Variants in C6orf118 observed in about 807,000 individuals in gnomAD.
The protein encoded by C6orf118 is uncharacterized protein C6orf118.
C6orf118 carries 50 observed loss-of-function variants against 50.2 expected under a neutral mutation model. The observed-to-expected ratio is 1.00, with a 90% CI of 0.79 to 1.26. C6orf118 has a LOEUF of 1.26. Ranked by LOEUF, C6orf118 falls within the 50% of genes most tolerant of loss-of-function variation. The probability of loss-of-function intolerance (pLI) is 0.00; values close to 1 mark genes in which losing one functional copy is unlikely to be tolerated. For synonymous variants in C6orf118, 239 were observed against 230.9 expected (o/e 1.03, Z -0.32); for missense variants, 641 against 578.7 (o/e 1.11, Z -1.10).
intron 7 of C6orf118, among the ~76,000 whole-genome samples, chr6:165,288,952 A>G (rs1712884662): frequency 6.6e-6 from 1 of 152,100 alleles, no homozygotes; most frequent in Admixed American, 6.5e-5. Context: ...GAAAAAAATA[A>G]AATAAAATAA....
intron 4 of C6orf118, 62 bp from the exon 5 acceptor site, chr6:165,298,163 T>C: frequency 6.7e-7 from 1 of 1,500,088 alleles, no homozygotes; most frequent in Non-Finnish European, 8.8e-7. Context: ...GGACTCCCTT[T>C]CTTATTTGTC....
At chr6:165,288,168 G>A (rs1397828783) in intron 7 of C6orf118, among the ~76,000 whole-genome samples, 3 of 151,994 alleles carry the variant, frequency 2.0e-5, no homozygotes, top group Non-Finnish European at 4.4e-5. Flanking sequence ...TGGCCAACAA[G>A]CATATGAAAG....
intron 1 of C6orf118, among the ~76,000 whole-genome samples, chr6:165,307,963 T>C (rs1166660533): frequency 6.6e-6 from 1 of 152,184 alleles, no homozygotes; most frequent in African/African-American, 2.4e-5. Context: ...ATCTGGCCTT[T>C]CCTGAACCCA....
intron 7 of C6orf118, among the ~76,000 whole-genome samples, chr6:165,283,982 T>A (rs1056652080): frequency 1.3e-5 from 2 of 152,200 alleles, no homozygotes. Context: ...CTGAGATGGA[T>A]GAACTGACAG....
rs760075300 is a variant in C6orf118, at chr6:165,293,484, G to T, written c.1062-13C>A. The T allele has an allele frequency of 1.2e-6, 2 of 1,607,804 alleles. No homozygotes were observed. The highest frequency in any genetic ancestry group is 1.7e-6 in the Non-Finnish European group (2 of 1,175,412). On this transcript the variant is annotated splice_polypyrimidine_tract_variant and intron_variant, in intron 5 of 8. Coordinates refer to ENST00000230301, the MANE Select transcript of C6orf118 (RefSeq NM_144980.4). The stretch of plus-strand genomic sequence containing the variant: ...TTCACTTCTGAGTCTACAATGTGAG[G>T]ATAAACAATAGGGAAATATTAGATC...
chr6:165,309,521 C>T, intron 1 of C6orf118, 41 bp downstream of exon 1: 1 of 1,613,088 alleles, frequency 6.2e-7, no homozygotes, highest in Non-Finnish European at 8.5e-7. Context: ...GAACATCAAG[C>T]AAATCTCACA....
chr6:165,288,827 A>G (rs1418662201), intron 7 of C6orf118, among the ~76,000 whole-genome samples: 2 of 152,096 alleles, frequency 1.3e-5, no homozygotes, highest in Admixed American at 6.6e-5. Context: ...TAGCTAATGC[A>G]TGTTGGGTTT....
At position 165,302,105 on chromosome 6, in the gene C6orf118, G is replaced by A; in HGVS notation, c.217C>T (p.Pro73Ser). Residue 73 changes from proline (P) to serine (S), a missense_variant, in exon 2 of 9, where the codon CCG becomes TCG. Coordinates refer to ENST00000230301, the MANE Select transcript of C6orf118 (RefSeq NM_144980.4). ...GGCCAGTGCTGTAAGATCGTCTCCG[G>A]AGGCTGGTAGAGCTTGTTGGGGTTC... is the stretch of plus-strand genomic sequence containing the variant. ...HLNPNKLYQPPETILQHWPNA... is the reference protein window; with the variant it reads ...HLNPNKLYQPSETILQHWPNA... 6.2e-7 allele frequency: 1 copy of A among 1,614,050 alleles called. No homozygotes were observed. The highest frequency in any genetic ancestry group is 8.5e-7 in the Non-Finnish European group (1 of 1,180,018).
chr6:165,309,224 G>A (rs1780852152), intron 1 of C6orf118, among the ~76,000 whole-genome samples: 1 of 152,214 alleles, frequency 6.6e-6, no homozygotes, highest in Non-Finnish European at 1.5e-5. Flanking sequence ...CCTCTGAACA[G>A]CCTGCAACCT....
chr6:165,301,652 C>A lies in C6orf118; in HGVS notation c.670G>T (p.Glu224Ter), dbSNP rs765506488. The change falls in exon 2 of 9, where the codon GAA becomes TAA. Residue 224 changes from glutamate (E) to a stop codon, truncating the protein, a stop_gained. Coordinates refer to ENST00000230301, the MANE Select transcript of C6orf118 (RefSeq NM_144980.4). LOFTEE classifies it high-confidence loss of function. ...RYRMFLRFQKEVLAKQDLLKN... is the reference protein window; with the variant it reads ...RYRMFLRFQK ...AGGAGATCTTGCTTGGCGAGCACTT[C>A]CTTCTGGAAACGCAGGAACATCCTG... 1.8e-5 allele frequency: 29 copies of A among 1,614,048 alleles called. No homozygotes were observed. The highest frequency in any genetic ancestry group is 1.4e-5 in the Non-Finnish European group (16 of 1,180,032).
chr6:165,307,370 C>A (rs1309041912), intron 1 of C6orf118, among the ~76,000 whole-genome samples: 1 of 151,638 alleles, frequency 6.6e-6, no homozygotes, highest in Non-Finnish European at 1.5e-5. Context: ...ACCAGTCTGG[C>A]CAACCTGGCA....
At chr6:165,297,881 C>T (rs756926427) in intron 5 of C6orf118, 96 bp downstream of exon 5, 64 of 1,540,982 alleles carry the variant, frequency 4.2e-5, no homozygotes, top group Non-Finnish European at 5.4e-5. Context: ...TTTTCAGCAA[C>T]GCAGAAATCA....
At chr6:165,300,017 A>C (rs1365543587) in intron 3 of C6orf118, among the ~76,000 whole-genome samples, 2 of 152,242 alleles carry the variant, frequency 1.3e-5, no homozygotes, top group African/African-American at 4.8e-5. Context: ...ACAAACCTAT[A>C]ATTCCATAAG....
At chr6:165,283,157 A>T (rs557578075) in intron 7 of C6orf118, among the ~76,000 whole-genome samples, 1 of 152,204 alleles carries the variant, frequency 6.6e-6, no homozygotes, top group South Asian at 2.1e-4. Context: ...AGGTTCTCTC[A>T]CTGGGACTGA....
At chr6:165,286,168 GA>G (rs1456915979) in intron 7 of C6orf118, among the ~76,000 whole-genome samples, 1 of 152,072 alleles carries the variant, frequency 6.6e-6, no homozygotes, top group Non-Finnish European at 1.5e-5. Flanking sequence ...AAATAAACTA[GA>G]AAATCTAGAA....
intron 4 of C6orf118, 42 bp from the exon 5 acceptor site, chr6:165,298,143 G>C: frequency 4.0e-6 from 6 of 1,517,596 alleles, no homozygotes; most frequent in African/African-American, 1.4e-5. Flanking sequence ...AGCACACAGG[G>C]AGGGCGGGAG....
intron 6 of C6orf118, among the ~76,000 whole-genome samples, chr6:165,291,155 T>G (rs1027862004): frequency 6.6e-6 from 1 of 151,962 alleles, no homozygotes; most frequent in African/African-American, 2.4e-5. Context: ...GAGATTTGGG[T>G]GGGGACACGG....
At chr6:165,307,917 A>C (rs1454253012) in intron 1 of C6orf118, among the ~76,000 whole-genome samples, 2 of 152,190 alleles carry the variant, frequency 1.3e-5, no homozygotes, top group African/African-American at 4.8e-5. Context: ...CCATCCTACC[A>C]GCCGGAGAAT....
Position 165,309,579 on chromosome 6 carries a change from T to C in C6orf118, c.8A>G (p.Glu3Gly). 5 of 1,614,138 alleles carry C rather than the reference T, an allele frequency of 3.1e-6. No homozygotes were observed. Among genetic ancestry groups the C allele is most frequent in the Non-Finnish European group, 4.2e-6 (5 of 1,180,020 alleles). MA[E>G]EREPELYLKW... is the part of the protein sequence containing the mutation. ...CCACTTACATTCAGGCTCCCGCTCC[T>C]CCGCCATCGCTTCCTTCCCTCCAGC... is the stretch of plus-strand genomic sequence containing the variant. The change falls in exon 1 of 9, where the codon GAG becomes GGG. Residue 3 changes from glutamate (E) to glycine (G), a missense_variant. Transcript: ENST00000230301.
Sources: gnomAD v4.1 joint callset for allele counts (sites outside exome capture counted in the v4.1 genomes callset) on GRCh38, gnomAD v4.1.1 for gene constraint, MANE v1.5 for transcripts, NCBI Gene and HGNC (gene_info 2026-07-23, HGNC 2026-07-21) for gene names.